ADCY10: variants seen among roughly 807,000 people sequenced by gnomAD.
ADCY10 encodes the protein adenylate cyclase type 10.
A neutral mutation model predicts 183.3 loss-of-function variants in ADCY10; 156 were observed. The observed-to-expected ratio is 0.85, with a 90% confidence interval of 0.75 to 0.97. The LOEUF is 0.97. Among genes scored for constraint, ADCY10 ranks in the 50% least tolerant of loss-of-function variants. ADCY10 has a pLI of 0.00. For synonymous variants in ADCY10, 645 were observed against 670.0 expected (o/e 0.96, Z 0.58); for missense variants, 1,745 against 1,934.3 (o/e 0.90, Z 1.84).
At chr1:167,835,450 T>C (rs1447081958) in intron 23 of ADCY10, among the ~76,000 whole-genome samples, 1 of 152,254 alleles carries the variant, frequency 6.6e-6, no homozygotes, top group Non-Finnish European at 1.5e-5. Flanking sequence ...CTCATTTCTA[T>C]GGGCATAGTG....
intron 31 of ADCY10, among the ~76,000 whole-genome samples, chr1:167,812,302 C>G (rs1049615125): frequency 6.6e-6 from 1 of 152,108 alleles, no homozygotes; most frequent in Non-Finnish European, 1.5e-5. Context: ...ATTTTTTTCT[C>G]CACCCACCCT....
chr1:167,904,081 GCTT>G, intron 2 of ADCY10, 90 bp from the exon 3 acceptor site: 2 of 501,784 alleles, frequency 4.0e-6, no homozygotes, highest in Non-Finnish European at 3.4e-6. Context: ...GCGGGCCTCA[GCTT>G]TTTTTTTTTT....
chr1:167,868,553 G>A (rs203817), intron 14 of ADCY10, among the ~76,000 whole-genome samples: 8,376 of 152,006 alleles, frequency 0.055, 693 homozygotes, highest in African/African-American at 0.18. Flanking sequence ...GAATTCCACC[G>A]GGACTAGACA....
At chr1:167,845,527 G>A (rs1664942321) in intron 21 of ADCY10, 36 bp downstream of exon 21, 1 of 1,607,746 alleles carries the variant, frequency 6.2e-7, no homozygotes, top group African/African-American at 1.3e-5. Context: ...GATTTCCCAA[G>A]AACAGTTAGG....
chr1:167,861,383 C>T (rs1666277947), intron 14 of ADCY10, among the ~76,000 whole-genome samples: 1 of 152,210 alleles, frequency 6.6e-6, no homozygotes, highest in South Asian at 2.1e-4. Flanking sequence ...GGCATGAACC[C>T]AGGCCTCCTT....
intron 5 of ADCY10, among the ~76,000 whole-genome samples, 170 bp from the exon 6 acceptor site, chr1:167,899,798 T>A (rs897394543): frequency 2.0e-5 from 3 of 152,202 alleles, no homozygotes; most frequent in Non-Finnish European, 2.9e-5. Flanking sequence ...GGCTCGGGCC[T>A]TCCAAAGCTC....
Position 167,810,870 on chromosome 1 carries a change from AAGAC to A in ADCY10, c.4522_4525del (p.Val1508PhefsTer8), listed in dbSNP as rs746942962. The A allele has an allele frequency of 1.9e-6, 3 of 1,614,090 alleles. No homozygotes were observed. The highest frequency in any genetic ancestry group is 1.7e-6 in the Non-Finnish European group (2 of 1,180,036). On this transcript the variant is annotated frameshift_variant, in exon 32 of 33. Coordinates refer to ENST00000367851, the MANE Select transcript of ADCY10 (RefSeq NM_018417.6). LOFTEE classifies it high-confidence loss of function. Reference sequence around the variant, plus strand: ...CATCAGGTGGTAGAGCCTTGGGCAAAAGACAGGGCCAGTGGTATTTTGAGCCACC... The same window carrying A: ...CATCAGGTGGTAGAGCCTTGGGCAAAAGGGCCAGTGGTATTTTGAGCCACC...
intron 23 of ADCY10, among the ~76,000 whole-genome samples, chr1:167,835,847 G>A (rs1430639363): frequency 2.0e-5 from 3 of 152,094 alleles, no homozygotes; most frequent in East Asian, 1.9e-4. Flanking sequence ...CAGAGATCGC[G>A]CCACTACACT....
At chr1:167,850,046 A>G (rs1048659484) in intron 18 of ADCY10, among the ~76,000 whole-genome samples, 2 of 152,306 alleles carry the variant, frequency 1.3e-5, no homozygotes, top group Non-Finnish European at 2.9e-5. Flanking sequence ...GAAAGGTCAC[A>G]GATTTCTGAA....
In ADCY10 at chr1:167,848,356, C is replaced by T. The variant is rs777994019; in HGVS notation, c.2437+5G>A. 1 of 1,613,132 alleles carries T rather than the reference C, an allele frequency of 6.2e-7. No individual in the cohort carries two copies. The highest frequency in any genetic ancestry group is 1.1e-5 in the South Asian group (1 of 91,056). ...GAGCCACTGCGCCCGGCCAGATTTT[C>T]TTACCTTTTAATGACGTTGGAGGTG... On this transcript the variant is annotated splice_donor_5th_base_variant and intron_variant, in intron 19 of 32. Coordinates refer to ENST00000367851, the MANE Select transcript of ADCY10 (RefSeq NM_018417.6).
chr1:167,873,992 A>G (rs1667275831), intron 13 of ADCY10, among the ~76,000 whole-genome samples: 1 of 152,210 alleles, frequency 6.6e-6, no homozygotes, highest in African/African-American at 2.4e-5. Context: ...GATAATCAAA[A>G]TATAACCCAG....
chr1:167,865,972 TC>T (rs1666649398), intron 14 of ADCY10, among the ~76,000 whole-genome samples: 1 of 152,212 alleles, frequency 6.6e-6, no homozygotes, highest in Non-Finnish European at 1.5e-5. Flanking sequence ...CCATCCAGCC[TC>T]CGTCTCCCAA....
intron 6 of ADCY10, among the ~76,000 whole-genome samples, chr1:167,898,418 G>T (rs1669154400): frequency 6.6e-6 from 1 of 151,860 alleles, no homozygotes. Context: ...GGCCAAGATG[G>T]TGAAACCCCG....
intron 22 of ADCY10, 124 bp downstream of exon 22, chr1:167,837,125 C>T (rs1429948841): frequency 7.2e-6 from 6 of 829,390 alleles, no homozygotes; most frequent in Non-Finnish European, 1.2e-5. Context: ...TGCATACCCC[C>T]CAAAGTTTCC....
intron 9 of ADCY10, among the ~76,000 whole-genome samples, chr1:167,883,101 G>A (rs993372142): frequency 7.2e-5 from 11 of 152,186 alleles, no homozygotes; most frequent in African/African-American, 1.9e-4. Context: ...GCAGTGGTGC[G>A]ATCTCGGCTC....
chr1:167,817,321 C>A (rs1466433632), intron 31 of ADCY10, among the ~76,000 whole-genome samples: 1 of 152,142 alleles, frequency 6.6e-6, no homozygotes, highest in East Asian at 1.9e-4. Context: ...GTCGAGATTG[C>A]GCCACTGCAC....
intron 6 of ADCY10, among the ~76,000 whole-genome samples, chr1:167,896,975 C>CT (rs1017327262): frequency 6.6e-5 from 10 of 152,068 alleles, no homozygotes; most frequent in Non-Finnish European, 1.5e-4. Flanking sequence ...CTTTTTCCTG[C>CT]TTTTTTTCCT....
chr1:167,861,752 G>A (rs1053944052), intron 14 of ADCY10, among the ~76,000 whole-genome samples: 3 of 152,092 alleles, frequency 2.0e-5, no homozygotes, highest in African/African-American at 7.2e-5. Flanking sequence ...ATATGGTTTG[G>A]CTCTGTGTCC....
At chr1:167,861,841 C>T (rs917162320) in intron 14 of ADCY10, among the ~76,000 whole-genome samples, 4 of 152,096 alleles carry the variant, frequency 2.6e-5, no homozygotes. Flanking sequence ...ATCATGAGGG[C>T]GGTTCCCCCC....
Sources: allele counts gnomAD v4.1 joint callset (sites outside exome capture counted in the v4.1 genomes callset), GRCh38; gene constraint gnomAD v4.1.1; transcripts MANE v1.5; gene names NCBI Gene and HGNC (gene_info 2026-07-23, HGNC 2026-07-21).